CTNNA3: variants seen among roughly 807,000 people sequenced by gnomAD.
CTNNA3 encodes catenin alpha-3.
CTNNA3 carries 76 observed loss-of-function variants against 95.7 expected under a neutral mutation model. The observed-to-expected ratio is 0.79, with a 90% confidence interval of 0.66 to 0.96. The LOEUF is 0.96. Among genes scored for constraint, CTNNA3 ranks in the 40% least tolerant of loss-of-function variants. The pLI is 0.00. For missense variants in CTNNA3, 1,191 were observed against 1,089.8 expected (o/e 1.09, Z -1.31); for synonymous variants, 431 against 374.4 (o/e 1.15, Z -1.74).
Position 66,819,900 on chromosome 10 carries a change from A to G in CTNNA3, c.1048-44376T>C, listed in dbSNP as rs185805818. On this transcript the variant is annotated intron_variant, in intron 7 of 17. Transcript: ENST00000433211. Reference sequence around the variant, plus strand: ...CACTGATGGGAATGTAAAATTGTGCAGCCACTGGGGAAAACAGTCTGGCAA... The same window carrying G: ...CACTGATGGGAATGTAAAATTGTGCGGCCACTGGGGAAAACAGTCTGGCAA... Among the ~76,000 whole-genome samples, 5 of 152,304 alleles carry G rather than the reference A, an allele frequency of 3.3e-5. No homozygotes were observed. The East Asian group carries it at 7.7e-4, about 24-fold the overall frequency.
intron 7 of CTNNA3, among the ~76,000 whole-genome samples, chr10:66,822,333 CG>C (rs1842332291): frequency 6.6e-6 from 1 of 152,042 alleles, no homozygotes; most frequent in South Asian, 2.1e-4. Context: ...GGAGTTAGAA[CG>C]GGCCTTCAGA....
At chr10:67,514,025 T>C (rs1839726221) in intron 5 of CTNNA3, among the ~76,000 whole-genome samples, 1 of 152,144 alleles carries the variant, frequency 6.6e-6, no homozygotes, top group Non-Finnish European at 1.5e-5. Flanking sequence ...AATAAAACAG[T>C]TGGGGCCAGG....
chr10:66,500,321 CAT>C (rs1172832950), intron 11 of CTNNA3, among the ~76,000 whole-genome samples: 17 of 152,112 alleles, frequency 1.1e-4, no homozygotes, highest in South Asian at 8.3e-4. Flanking sequence ...AGTCACCACA[CAT>C]GTTTTTGCTA....
At chr10:66,911,380 A>T (rs2132559430) in intron 7 of CTNNA3, among the ~76,000 whole-genome samples, 1 of 152,334 alleles carries the variant, frequency 6.6e-6, no homozygotes, top group South Asian at 2.1e-4. Context: ...TCACTATTAT[A>T]ATGCAAAGAA....
chr10:67,637,411 C>T (rs896137735), intron 2 of CTNNA3, among the ~76,000 whole-genome samples: 1 of 152,098 alleles, frequency 6.6e-6, no homozygotes, highest in Admixed American at 6.6e-5. Flanking sequence ...AAGTGACGGG[C>T]AGAATGGAAC....
chr10:66,379,116 G>C lies in CTNNA3; in HGVS notation c.1732+36C>G, dbSNP rs566596659. 2.3e-5 allele frequency: 35 copies of C among 1,511,774 alleles called. No homozygotes were observed. The African/African-American group carries it at 4.3e-4, about 18-fold the overall frequency. 93.6% of individuals were successfully genotyped at this position (1,511,774 alleles called of 1,614,324 possible). A position where few individuals can be genotyped will look rare whatever the true frequency, so the allele number is the denominator to read the frequency against. ...TTCGTAGCTATGTAGATTCAAATAA[G>C]AGAAATTGTGCAGCTGTTATTGGCA... is the stretch of plus-strand genomic sequence containing the variant. On this transcript the variant is annotated intron_variant, in intron 12 of 17. Transcript: ENST00000433211.
Position 66,617,352 on chromosome 10 carries a change from G to T in CTNNA3, c.1374+4340C>A, listed in dbSNP as rs911065592. On this transcript the variant is annotated intron_variant, in intron 10 of 17. Transcript: ENST00000433211. ...ACTGAATCCAGCAGCACATCAAAAAGCTTATCCACCATGATCAAGTGGGCT... is the reference window on the plus strand; with the variant it reads ...ACTGAATCCAGCAGCACATCAAAAATCTTATCCACCATGATCAAGTGGGCT... Among the ~76,000 whole-genome samples the T allele has an allele frequency of 3.4e-5, 5 of 146,946 alleles. No individual in the cohort carries two copies. In the East Asian group the frequency reaches 1.1e-3, roughly 34 times the overall value.
At position 66,927,433 on chromosome 10, in the gene CTNNA3, C is replaced by A. The variant is rs1314160937; in HGVS notation, c.1048-151909G>T. The A allele has an allele frequency of 1.2e-6, 2 of 1,614,116 alleles. No individual in the cohort carries two copies. Among genetic ancestry groups the A allele is most frequent in the Non-Finnish European group, 1.7e-6 (2 of 1,180,032 alleles). On this transcript the variant is annotated intron_variant, in intron 7 of 17. Transcript: ENST00000433211. This position sits in a 1 kb window ranked among gnomAD's most constrained non-coding sequence, Gnocchi z 4.7. Reference sequence around the variant, plus strand: ...ACGGTCTAACTCCCTGAGAACCATCCCTGTGCGAATATTCCAAGACTGCCG... The same window carrying A: ...ACGGTCTAACTCCCTGAGAACCATCACTGTGCGAATATTCCAAGACTGCCG...
chr10:66,727,792 T>C (rs1848825157), intron 9 of CTNNA3, among the ~76,000 whole-genome samples: 2 of 152,134 alleles, frequency 1.3e-5, no homozygotes, highest in African/African-American at 4.8e-5. Context: ...AATAGCCCAG[T>C]TGTCTAGGAA....
At chr10:67,540,029 T>C (rs1840623615) in intron 3 of CTNNA3, among the ~76,000 whole-genome samples, 1 of 152,226 alleles carries the variant, frequency 6.6e-6, no homozygotes, top group African/African-American at 2.4e-5. Context: ...ACAAGGTAAA[T>C]CTTTATTGAG....
chr10:65,979,031 T>C (rs903147926), intron 16 of CTNNA3, among the ~76,000 whole-genome samples: 1 of 152,126 alleles, frequency 6.6e-6, no homozygotes, highest in Non-Finnish European at 1.5e-5. Flanking sequence ...AGAGTTATAA[T>C]TGGGAAAGTA....
intron 7 of CTNNA3, among the ~76,000 whole-genome samples, chr10:66,777,891 T>G (rs1564676727): frequency 1.3e-5 from 2 of 151,952 alleles, no homozygotes; most frequent in Admixed American, 6.6e-5. Context: ...GTGGTGTGAT[T>G]CATCAGAACA....
chr10:67,687,144 A>G (rs1475181996), intron 1 of CTNNA3, among the ~76,000 whole-genome samples: 2 of 152,172 alleles, frequency 1.3e-5, no homozygotes, highest in African/African-American at 4.8e-5. Flanking sequence ...GGAGATTAAC[A>G]CTGAGAAGGC....
intron 13 of CTNNA3, among the ~76,000 whole-genome samples, chr10:66,147,810 G>C (rs1014771617): frequency 1.3e-4 from 19 of 151,008 alleles, no homozygotes; most frequent in Non-Finnish European, 2.4e-4. Flanking sequence ...TGTATGTATA[G>C]TATGCTATGT....
At chr10:67,345,990 T>C (rs1589194025) in intron 5 of CTNNA3, among the ~76,000 whole-genome samples, 1 of 152,242 alleles carries the variant, frequency 6.6e-6, no homozygotes, top group East Asian at 1.9e-4. Flanking sequence ...TTTCTGATTG[T>C]ATCCATTGTA....
chr10:66,375,454 A>C (rs1471791134), intron 12 of CTNNA3, among the ~76,000 whole-genome samples: 1 of 152,144 alleles, frequency 6.6e-6, no homozygotes, highest in Non-Finnish European at 1.5e-5. Flanking sequence ...TGGCCACATA[A>C]AAATTCTTTG....
intron 5 of CTNNA3, among the ~76,000 whole-genome samples, chr10:67,225,024 G>A (rs1864831611): frequency 6.6e-6 from 1 of 152,206 alleles, no homozygotes; most frequent in Non-Finnish European, 1.5e-5. Context: ...CAGACTTGGG[G>A]CTGTTTGGGG....
At chr10:66,671,982 GC>G (rs1846677497) in intron 9 of CTNNA3, among the ~76,000 whole-genome samples, 1 of 152,112 alleles carries the variant, frequency 6.6e-6, no homozygotes, top group Non-Finnish European at 1.5e-5. Context: ...CCAATGTTAG[GC>G]CCTAGACTGA....
At chr10:66,430,788 A>C (rs551791363) in intron 11 of CTNNA3, among the ~76,000 whole-genome samples, 1 of 152,308 alleles carries the variant, frequency 6.6e-6, no homozygotes, top group Admixed American at 6.5e-5. Flanking sequence ...CAGACCTAAA[A>C]CCATAAAAAC....
Sources: gnomAD v4.1 joint callset for allele counts (sites outside exome capture counted in the v4.1 genomes callset) on GRCh38, gnomAD v4.1.1 for gene constraint, Gnocchi (gnomAD v3.1) non-coding constraint, MANE v1.5 for transcripts, NCBI Gene and HGNC (gene_info 2026-07-23, HGNC 2026-07-21) for gene names.